Variants in LRRIQ1 observed in about 807,000 individuals in gnomAD.
LRRIQ1 encodes leucine-rich repeat- and IQ domain-containing protein 1.
In LRRIQ1, 210 loss-of-function variants were observed where a neutral mutation model predicts 211.9. The ratio of observed to expected loss-of-function variants is 0.99; its 90% CI spans 0.89 to 1.11. The LOEUF is 1.11. LRRIQ1 is among the 50% of genes most tolerant of loss of function. The pLI, the probability that LRRIQ1 is intolerant of heterozygous loss-of-function variation, is 0.00. For synonymous variants in LRRIQ1, 699 were observed against 650.1 expected (o/e 1.08, Z -1.14); for missense variants, 2,136 against 1,939.5 (o/e 1.10, Z -1.90).
chr12:85,230,772 G>A (rs1279618191), intron 25 of LRRIQ1, among the ~76,000 whole-genome samples: 1 of 152,166 alleles, frequency 6.6e-6, no homozygotes, highest in Non-Finnish European at 1.5e-5. Flanking sequence ...AAGCTTGGCC[G>A]GGCGCGGTGG....
At chr12:85,190,575 A>G (rs1249475622) in intron 24 of LRRIQ1, among the ~76,000 whole-genome samples, 1 of 150,716 alleles carries the variant, frequency 6.6e-6, no homozygotes, top group Non-Finnish European at 1.5e-5. Context: ...AAGGTAACAT[A>G]AATGCATATA....
rs142456811 is a variant in LRRIQ1, at chr12:85,057,979, T to C, written c.2391+795T>C. On this transcript the variant is annotated intron_variant, in intron 8 of 26. Coordinates refer to ENST00000393217, the MANE Select transcript of LRRIQ1 (RefSeq NM_001079910.2). ...CTAGGAGAAAGAACAATCATATTAATAGATAAACATTATTTTGTTTATTCA... is the reference window on the plus strand; with the variant it reads ...CTAGGAGAAAGAACAATCATATTAACAGATAAACATTATTTTGTTTATTCA... 7.3e-3 allele frequency among the ~76,000 whole-genome samples: 1,105 copies of C among 152,150 alleles called. 21 individuals carry two copies. Among genetic ancestry groups the C allele is most frequent in the African/African-American group, 0.025 (1,046 of 41,558 alleles).
chr12:85,209,167 A>G (rs116132403), intron 24 of LRRIQ1, among the ~76,000 whole-genome samples: 2,678 of 152,270 alleles, frequency 0.018, 79 homozygotes, highest in African/African-American at 0.061. Flanking sequence ...GTTTGTTCTC[A>G]TGCTGCTATG....
intron 11 of LRRIQ1, among the ~76,000 whole-genome samples, chr12:85,081,035 T>A (rs1487051301): frequency 6.6e-6 from 1 of 152,070 alleles, no homozygotes; most frequent in East Asian, 1.9e-4. Flanking sequence ...TTATTTGAAG[T>A]TTAGCTTCAG....
At chr12:85,089,199 CAT>C (rs1214070145) in intron 11 of LRRIQ1, among the ~76,000 whole-genome samples, 8 of 152,108 alleles carry the variant, frequency 5.3e-5, no homozygotes, top group Admixed American at 4.6e-4. Context: ...TTGAGATAAT[CAT>C]GTGGTTTTTG....
intron 24 of LRRIQ1, among the ~76,000 whole-genome samples, chr12:85,191,158 C>T (rs953843395): frequency 8.6e-5 from 13 of 151,944 alleles, no homozygotes; most frequent in African/African-American, 2.4e-4. Flanking sequence ...AAAACCTATA[C>T]TGGCACATCA....
intron 5 of LRRIQ1, 121 bp downstream of exon 5, chr12:85,046,258 A>C (rs1879567281): frequency 5.0e-6 from 3 of 605,370 alleles, no homozygotes; most frequent in Non-Finnish European, 8.9e-6. Context: ...CAATGTTTGA[A>C]GATTATTGTG....
chr12:85,151,119 C>T (rs1890213210), intron 19 of LRRIQ1, among the ~76,000 whole-genome samples: 2 of 150,918 alleles, frequency 1.3e-5, no homozygotes, highest in African/African-American at 2.4e-5. Context: ...TATATTAAAC[C>T]ATATATAACT....
chr12:85,066,929 A>G (rs750560707), intron 10 of LRRIQ1, 31 bp downstream of exon 10: 6 of 1,215,446 alleles, frequency 4.9e-6, no homozygotes, highest in Admixed American at 2.7e-5. Flanking sequence ...ATATTTAAAG[A>G]TATATTTCTC....
At chr12:85,070,152 A>C (rs1454671826) in intron 10 of LRRIQ1, among the ~76,000 whole-genome samples, 2 of 152,016 alleles carry the variant, frequency 1.3e-5, no homozygotes, top group African/African-American at 4.8e-5. Context: ...GTTAAAAAGT[A>C]AGCTGCTTTG....
At chr12:85,191,824 G>A (rs1315119029) in intron 24 of LRRIQ1, among the ~76,000 whole-genome samples, 1 of 151,772 alleles carries the variant, frequency 6.6e-6, no homozygotes, top group South Asian at 2.1e-4. Flanking sequence ...ATTAAGTGGG[G>A]GGTAGTACCA....
intron 24 of LRRIQ1, among the ~76,000 whole-genome samples, chr12:85,181,163 C>T (rs1891962797): frequency 6.6e-6 from 1 of 151,788 alleles, no homozygotes; most frequent in African/African-American, 2.4e-5. Context: ...GAAACTGATA[C>T]CTTTAAACAT....
rs777286491 is a variant in LRRIQ1 at position 85,124,532 on chromosome 12, A to T, written c.4007+13A>T. On this transcript the variant is annotated intron_variant, in intron 17 of 26. Transcript: ENST00000393217. ...CTAGTGAAAAAATGTAAGATATATA[A>T]ATAATGTTTCTTTTATAGATGTATG... The T allele has an allele frequency of 6.3e-7, 1 of 1,575,856 alleles. No individual in the cohort carries two copies. The highest frequency in any genetic ancestry group is 8.7e-7 in the Non-Finnish European group (1 of 1,152,290).
At chr12:85,151,822 C>G (rs1157062052) in intron 19 of LRRIQ1, among the ~76,000 whole-genome samples, 1 of 151,264 alleles carries the variant, frequency 6.6e-6, no homozygotes, top group African/African-American at 2.4e-5. Context: ...TTACTCTATT[C>G]AGAAAATTTG....
chr12:85,183,779 A>G (rs1892102838), intron 24 of LRRIQ1, among the ~76,000 whole-genome samples: 1 of 152,138 alleles, frequency 6.6e-6, no homozygotes, highest in South Asian at 2.1e-4. Context: ...AATTAAACTC[A>G]GGTAAGGTCT....
intron 15 of LRRIQ1, among the ~76,000 whole-genome samples, chr12:85,116,749 T>G (rs1887611630): frequency 6.6e-6 from 1 of 152,156 alleles, no homozygotes; most frequent in South Asian, 2.1e-4. Context: ...GTTGTTTTCT[T>G]CTTTGTGTTC....
chr12:85,059,638 A>G (rs1468434290), intron 8 of LRRIQ1, among the ~76,000 whole-genome samples: 2 of 152,052 alleles, frequency 1.3e-5, no homozygotes, highest in Non-Finnish European at 2.9e-5. Flanking sequence ...ATCTCTTGTC[A>G]GGAACTATCT....
At chr12:85,265,002 T>G (rs920637829), downstream of LRRIQ1, among the ~76,000 whole-genome samples, 7 of 151,986 alleles carry the variant, frequency 4.6e-5, no homozygotes, top group African/African-American at 1.7e-4. Flanking sequence ...AGGGGGTGTT[T>G]GGAGATTTCA....
chr12:85,050,132 G>T (rs767382130), intron 6 of LRRIQ1, among the ~76,000 whole-genome samples: 3 of 152,086 alleles, frequency 2.0e-5, no homozygotes, highest in Non-Finnish European at 4.4e-5. Flanking sequence ...GATGGTCAAA[G>T]ACCTTCATAA....
Sources: gnomAD v4.1 joint callset for allele counts (sites outside exome capture counted in the v4.1 genomes callset) on GRCh38, gnomAD v4.1.1 for gene constraint, MANE v1.5 for transcripts, NCBI Gene and HGNC (gene_info 2026-07-23, HGNC 2026-07-21) for gene names.